LEF1: variants seen among roughly 807,000 people sequenced by gnomAD.
LEF1 encodes the protein lymphoid enhancer-binding factor 1.
In LEF1, 14 loss-of-function variants were observed where a neutral mutation model predicts 51.2. That is an observed-to-expected ratio of 0.27 (90% CI 0.18 to 0.43). The LOEUF (loss-of-function observed/expected upper bound fraction) is 0.43. Ranked by LOEUF, LEF1 falls within the 20% of genes least tolerant of loss-of-function variation. The probability of loss-of-function intolerance (pLI) is 1.00; values close to 1 mark genes in which losing one functional copy is unlikely to be tolerated. For synonymous variants in LEF1, 185 were observed against 183.2 expected, an observed-to-expected ratio of 1.01 and a Z score of -0.08; for missense variants, 386 against 512.0, an observed-to-expected ratio of 0.75 and a Z score of 2.37.
chr4:108,109,859 G>T (rs1560796973), intron 3 of LEF1, among the ~76,000 whole-genome samples: 1 of 152,104 alleles, frequency 6.6e-6, no homozygotes, highest in Non-Finnish European at 1.5e-5. Flanking sequence ...CTTGGGGAAG[G>T]GGGGCAGGCA....
At chr4:108,073,973 G>A (rs1285710426) in intron 8 of LEF1, among the ~76,000 whole-genome samples, 7 of 152,082 alleles carry the variant, frequency 4.6e-5, no homozygotes, top group South Asian at 2.1e-4. Context: ...CGACAGGTGC[G>A]TCCCACCACG....
In LEF1 at chr4:108,168,711, G is replaced by C. The variant is rs1160903211; in HGVS notation, c.-944C>G. 2.0e-5 allele frequency: 3 copies of C among 152,200 alleles called. No individual in the cohort carries two copies. The highest frequency in any genetic ancestry group is 7.2e-5 in the African/African-American group (3 of 41,424). The allele number at this position is 152,200 out of a possible 1,614,324, so 9.4% of individuals were successfully genotyped here. A position where few individuals can be genotyped will look rare whatever the true frequency, so the allele number is the denominator to read the frequency against. ...TTCCCGGCTCGAGTTTCTCAGCCTGGCTCGCCGGCTCGCCGCTCTGCACGC... is the reference window on the plus strand; with the variant it reads ...TTCCCGGCTCGAGTTTCTCAGCCTGCCTCGCCGGCTCGCCGCTCTGCACGC... On this transcript the variant is annotated 5_prime_UTR_variant, in exon 1 of 12. Transcript: ENST00000265165. The surrounding 1 kb of genome is among the most constrained non-coding windows in gnomAD (Gnocchi z 4.6).
intron 6 of LEF1, among the ~76,000 whole-genome samples, chr4:108,081,345 C>T (rs1739289323): frequency 6.6e-6 from 1 of 152,156 alleles, no homozygotes; most frequent in Admixed American, 6.5e-5. Flanking sequence ...GGAGGCAACG[C>T]TTTCCAAGGA....
At chr4:108,136,075 G>C (rs910651886) in intron 3 of LEF1, among the ~76,000 whole-genome samples, 1 of 152,060 alleles carries the variant, frequency 6.6e-6, no homozygotes, top group African/African-American at 2.4e-5. Context: ...ATCTTTCAAG[G>C]GTTAAAATTC....
chr4:108,163,515 A>G, intron 3 of LEF1, 53 bp downstream of exon 3: 4 of 1,581,448 alleles, frequency 2.5e-6, no homozygotes, highest in Non-Finnish European at 3.5e-6. Flanking sequence ...CTGCCAAAAT[A>G]CAAATCAATT....
intron 3 of LEF1, among the ~76,000 whole-genome samples, chr4:108,148,389 T>C (rs1349625109): frequency 6.6e-6 from 1 of 152,026 alleles, no homozygotes; most frequent in Non-Finnish European, 1.5e-5. Context: ...ATGGGCCACA[T>C]GGAACTGAAA....
chr4:108,140,204 A>G (rs1188366830), intron 3 of LEF1, among the ~76,000 whole-genome samples: 1 of 152,128 alleles, frequency 6.6e-6, no homozygotes. Context: ...TATATTTTAG[A>G]GGGAGGGGGG....
intron 3 of LEF1, among the ~76,000 whole-genome samples, chr4:108,101,826 C>T (rs966629821): frequency 5.9e-5 from 9 of 151,990 alleles, no homozygotes; most frequent in Admixed American, 3.9e-4. Context: ...ATATGGAAGC[C>T]GAGGTAGGTG....
At chr4:108,164,268 G>A (rs1745249458) in intron 2 of LEF1, among the ~76,000 whole-genome samples, 1 of 152,030 alleles carries the variant, frequency 6.6e-6, no homozygotes, top group African/African-American at 2.4e-5. Flanking sequence ...GCTACACTTA[G>A]ATCATTTTGC....
intron 3 of LEF1, among the ~76,000 whole-genome samples, chr4:108,096,612 T>A (rs115172975): frequency 6.6e-6 from 1 of 152,088 alleles, no homozygotes; most frequent in Non-Finnish European, 1.5e-5. Context: ...GTTAAAAAGC[T>A]TCTGGAGAGC....
chr4:108,162,732 T>C (rs1234911964), intron 3 of LEF1, among the ~76,000 whole-genome samples: 2 of 152,008 alleles, frequency 1.3e-5, no homozygotes, highest in East Asian at 3.9e-4. Flanking sequence ...GGTAAATATA[T>C]TGATGGGTCA....
At chr4:108,118,588 A>G (rs1741978011) in intron 3 of LEF1, among the ~76,000 whole-genome samples, 1 of 152,244 alleles carries the variant, frequency 6.6e-6, no homozygotes, top group Non-Finnish European at 1.5e-5. Flanking sequence ...GACTCTCCCA[A>G]GTACATAATT....
intron 3 of LEF1, among the ~76,000 whole-genome samples, chr4:108,089,654 T>C (rs1739878913): frequency 6.6e-6 from 1 of 152,218 alleles, no homozygotes; most frequent in African/African-American, 2.4e-5. Flanking sequence ...TTGTATTCAC[T>C]ACATATGTCT....
intron 11 of LEF1, among the ~76,000 whole-genome samples, chr4:108,058,231 C>G (rs6819308): frequency 2.0e-5 from 3 of 151,954 alleles, no homozygotes; most frequent in Non-Finnish European, 4.4e-5. Context: ...TCATGTCATA[C>G]AACTAAAAGA....
chr4:108,050,513 T>C (rs552699707), intron 11 of LEF1, among the ~76,000 whole-genome samples: 123 of 152,262 alleles, frequency 8.1e-4, no homozygotes, highest in African/African-American at 2.7e-3. Flanking sequence ...CGAAGGACCC[T>C]GCCTTTCTAC....
chr4:108,107,265 T>C (rs1467467861), intron 3 of LEF1, among the ~76,000 whole-genome samples: 1 of 149,632 alleles, frequency 6.7e-6, no homozygotes, highest in Admixed American at 6.6e-5. Context: ...CAGAGAAAGG[T>C]GTTTTTTTTT....
At chr4:108,085,948 T>G (rs1739618424) in intron 4 of LEF1, among the ~76,000 whole-genome samples, 1 of 152,256 alleles carries the variant, frequency 6.6e-6, no homozygotes, top group African/African-American at 2.4e-5. Flanking sequence ...ACCATGGTTT[T>G]CTGCAGAGGA....
At chr4:108,125,293 AGCTGGGATTATAG>A (rs1483381739) in intron 3 of LEF1, among the ~76,000 whole-genome samples, 1 of 152,034 alleles carries the variant, frequency 6.6e-6, no homozygotes, top group Non-Finnish European at 1.5e-5. Context: ...CATCCTGAGT[AGCTGGGATTATAG>A]GCACCCACCG....
At chr4:108,101,196 T>C (rs1740798566) in intron 3 of LEF1, among the ~76,000 whole-genome samples, 2 of 152,200 alleles carry the variant, frequency 1.3e-5, no homozygotes, top group Non-Finnish European at 2.9e-5. Context: ...TGTAAAACGT[T>C]TGATGTGATT....
Sources: allele counts gnomAD v4.1 joint callset (sites outside exome capture counted in the v4.1 genomes callset), GRCh38; gene constraint gnomAD v4.1.1; non-coding constraint Gnocchi (gnomAD v3.1); transcripts MANE v1.5; gene names NCBI Gene and HGNC (gene_info 2026-07-23, HGNC 2026-07-21).